Variants in NOTCH2 observed in about 807,000 individuals in gnomAD.
The protein encoded by NOTCH2 is notch receptor 2.
Under a neutral mutation model 235.8 loss-of-function variants are expected in NOTCH2, and 29 were observed. The observed-to-expected ratio is 0.12, with a 90% CI of 0.09 to 0.17. The LOEUF (loss-of-function observed/expected upper bound fraction) is 0.17, where lower values mean the gene tolerates loss of function less well. Ranked by LOEUF, NOTCH2 falls within the 10% of genes least tolerant of loss-of-function variation. NOTCH2 has a pLI of 1.00. For missense variants in NOTCH2, 2,285 were observed against 3,150.2 expected, an observed-to-expected ratio of 0.73 and a Z score of 6.57; for synonymous variants, 1,086 against 1,141.5, an observed-to-expected ratio of 0.95 and a Z score of 0.98.
At chr1:119,966,309 C>T (rs1553199644) in intron 9 of NOTCH2, 67 bp downstream of exon 9, 1 of 1,026,196 alleles carries the variant, frequency 9.7e-7, no homozygotes, top group Non-Finnish European at 1.6e-6. Context: ...TCTCTCCCTG[C>T]TCTCTTCCCT....
At chr1:120,039,575 AT>A (rs1270712046) in intron 1 of NOTCH2, among the ~76,000 whole-genome samples, 2 of 150,356 alleles carry the variant, frequency 1.3e-5, no homozygotes, top group African/African-American at 2.4e-5. Context: ...CATCCGGCTA[AT>A]TTTTTTTGTA....
chr1:120,069,605 C>T lies in NOTCH2; in HGVS notation c.-199G>A. ...CGAGTCCGCCGCTCCTCGGCCGCCGCCTCAGCCGCCGCCCGAAGTTTGGCT... is the reference window on the plus strand; with the variant it reads ...CGAGTCCGCCGCTCCTCGGCCGCCGTCTCAGCCGCCGCCCGAAGTTTGGCT... On this transcript the variant is annotated 5_prime_UTR_variant, in exon 1 of 34. Coordinates refer to ENST00000256646, the MANE Select transcript of NOTCH2 (RefSeq NM_024408.4). 1 of 1,411,892 alleles carries T rather than the reference C, an allele frequency of 7.1e-7. No homozygotes were observed. The allele number at this position is 1,411,892 out of a possible 1,614,324, so 87.5% of individuals were successfully genotyped here.
intron 5 of NOTCH2, among the ~76,000 whole-genome samples, chr1:119,975,644 C>CAA (rs11316344): frequency 1.3e-4 from 13 of 99,724 alleles, no homozygotes; most frequent in African/African-American, 4.5e-4. Flanking sequence ...GACTCCATCT[C>CAA]AAAAAAAAAA....
At position 119,954,753 on chromosome 1, in the gene NOTCH2, C is replaced by T. The variant is rs1650615498; in HGVS notation, c.2219+287G>A. Among the ~76,000 whole-genome samples the T allele has an allele frequency of 2.6e-5, 4 of 152,224 alleles. No homozygotes were observed. The South Asian group carries it at 8.3e-4, about 32-fold the overall frequency. ...TAATACATACTAAAAACATAACTGCCAAAGATTCATACAATGAGTATGGGT... is the reference window on the plus strand; with the variant it reads ...TAATACATACTAAAAACATAACTGCTAAAGATTCATACAATGAGTATGGGT... On this transcript the variant is annotated intron_variant, in intron 13 of 33. Coordinates refer to ENST00000256646, the MANE Select transcript of NOTCH2 (RefSeq NM_024408.4).
chr1:119,920,997 C>T (rs913434508), intron 29 of NOTCH2, among the ~76,000 whole-genome samples: 16 of 152,226 alleles, frequency 1.1e-4, no homozygotes, highest in African/African-American at 3.9e-4. Context: ...TATGCCAACA[C>T]AACAACTCAC....
chr1:119,969,765 T>C lies in NOTCH2; in HGVS notation c.875-21A>G, dbSNP rs782054836. 8 of 1,604,004 alleles carry C rather than the reference T, an allele frequency of 5.0e-6. No homozygotes were observed. In the African/African-American group the frequency reaches 6.7e-5, roughly 13 times the overall value. On this transcript the variant is annotated intron_variant, in intron 5 of 33. Transcript: ENST00000256646. ...CTGTCCTTTTAGGGGGAAATTACTT[T>C]TGATTAGGGCTCTTGAGTCTCAAAG...
chr1:119,932,800 T>TACATAAAGAAATTCTGAAGG lies in NOTCH2; in HGVS notation c.3655+2652_3655+2671dup, dbSNP rs1649716355. On this transcript the variant is annotated intron_variant, in intron 22 of 33. Transcript: ENST00000256646. The stretch of plus-strand genomic sequence containing the variant: ...AATATCTTTGCATTTGGCTTCTCTC[T>TACATAAAGAAATTCTGAAGG]ACATAAAGAAATTCTGAAGGATACA... Among the ~76,000 whole-genome samples the TACATAAAGAAATTCTGAAGG allele has an allele frequency of 3.3e-5, 5 of 152,272 alleles. No homozygotes were observed. The South Asian group carries it at 1.0e-3, about 32-fold the overall frequency.
intron 10 of NOTCH2, 34 bp downstream of exon 10, chr1:119,965,419 C>T (rs782027125): frequency 1.3e-6 from 2 of 1,516,384 alleles, no homozygotes; most frequent in East Asian, 2.3e-5. Context: ...TCAGATGGAC[C>T]TACCAAGGAG....
chr1:119,920,920 T>G (rs587729314), intron 29 of NOTCH2, among the ~76,000 whole-genome samples: 1 of 152,138 alleles, frequency 6.6e-6, no homozygotes, highest in African/African-American at 2.4e-5. Flanking sequence ...ATAATAATCA[T>G]GATAATTTAA....
chr1:119,972,052 G>C (rs957523849), intron 5 of NOTCH2, among the ~76,000 whole-genome samples: 9 of 151,612 alleles, frequency 5.9e-5, no homozygotes, highest in African/African-American at 2.2e-4. Flanking sequence ...GGGAGTGATT[G>C]CAAGGAGTGA....
chr1:119,963,176 T>TAGGAAGGAAGGAAGGAAGGA (rs1221282887), intron 11 of NOTCH2, among the ~76,000 whole-genome samples: 1 of 66,326 alleles, frequency 1.5e-5, no homozygotes, highest in Non-Finnish European at 5.3e-5. Flanking sequence ...AGAAGGAAGG[T>TAGGAAGGAAGGAAGGAAGGA]AGGTAGGAAG....
chr1:120,067,228 T>C (rs1310865385), intron 1 of NOTCH2, among the ~76,000 whole-genome samples: 1 of 143,866 alleles, frequency 7.0e-6, no homozygotes, highest in Non-Finnish European at 1.5e-5. Context: ...GATTTAAGAT[T>C]TGTACCGAGA....
Position 119,916,001 on chromosome 1 carries a change from A to G in NOTCH2, c.6721T>C (p.Leu2241=). The G allele has an allele frequency of 6.2e-7, 1 of 1,613,870 alleles. No individual in the cohort carries two copies. The highest frequency in any genetic ancestry group is 8.5e-7 in the Non-Finnish European group (1 of 1,180,024). The change falls in exon 34 of 34, where the codon TTG becomes CTG. Residue 2241 remains leucine (L), a synonymous_variant. Coordinates refer to ENST00000256646, the MANE Select transcript of NOTCH2 (RefSeq NM_024408.4). ...VSPGSGSAGS[L]SRLHPVPVPA... ...ACTGGGACTGGATGGAGCCTACTCAAGCTTCCAGCACTGCCACTGCCTGGA... is the reference window on the plus strand; with the variant it reads ...ACTGGGACTGGATGGAGCCTACTCAGGCTTCCAGCACTGCCACTGCCTGGA...
At chr1:119,999,899 GAGAA>G (rs1415711229) in intron 3 of NOTCH2, among the ~76,000 whole-genome samples, 4 of 143,030 alleles carry the variant, frequency 2.8e-5, no homozygotes, top group Non-Finnish European at 6.0e-5. Flanking sequence ...GGGAAAGAGA[GAGAA>G]AGAGAGAAAG....
chr1:120,028,381 T>C (rs1653953854), intron 2 of NOTCH2, among the ~76,000 whole-genome samples: 1 of 150,404 alleles, frequency 6.6e-6, no homozygotes, highest in Non-Finnish European at 1.5e-5. Context: ...CTCTAAGGTA[T>C]TAAGTTCCCT....
At chr1:119,917,050 A>G (rs189388473) in intron 33 of NOTCH2, among the ~76,000 whole-genome samples, 346 of 152,306 alleles carry the variant, frequency 2.3e-3, no homozygotes, top group Middle Eastern at 0.01. Flanking sequence ...AGTTAGAAAT[A>G]AGAAAGGTAG....
intron 17 of NOTCH2, among the ~76,000 whole-genome samples, chr1:119,945,584 GT>G (rs1212190676): frequency 6.6e-6 from 1 of 152,064 alleles, no homozygotes; most frequent in Non-Finnish European, 1.5e-5. Context: ...ATCAGGCAAA[GT>G]AGACTTCAGA....
chr1:119,969,491 T>C lies in NOTCH2; in HGVS notation c.1108+20A>G. On this transcript the variant is annotated intron_variant, in intron 6 of 33. Transcript: ENST00000256646. ...CCCCTGCCCCTTCCCTGTTTCTAGATCCGTCCTTCTGCTACCTACCTGCCT... is the reference window on the plus strand; with the variant it reads ...CCCCTGCCCCTTCCCTGTTTCTAGACCCGTCCTTCTGCTACCTACCTGCCT... 6.2e-7 allele frequency: 1 copy of C among 1,609,066 alleles called. No homozygotes were observed. The highest frequency in any genetic ancestry group is 8.5e-7 in the Non-Finnish European group (1 of 1,176,582).
In NOTCH2 at chr1:119,917,675, T is replaced by C; in HGVS notation, c.6017A>G (p.Gln2006Arg). Residue 2006 changes from glutamine to arginine, a missense_variant, in exon 33 of 34, where the codon CAG becomes CGG. Gln to Arg is a conservative substitution (Grantham distance 43). This residue lies in a region of NOTCH2 where 128 missense variants were observed against 255.9 expected (regional missense o/e 0.50). Transcript: ENST00000256646. ...LLKNGANRDMQDNKEETPLFL... is the reference protein window; with the variant it reads ...LLKNGANRDMRDNKEETPLFL... ...GCCCACAAACTGTACCTTGTTGTCCTGCATGTCTCGGTTGGCCCCATTTTT... is the reference window on the plus strand; with the variant it reads ...GCCCACAAACTGTACCTTGTTGTCCCGCATGTCTCGGTTGGCCCCATTTTT... 1.9e-6 allele frequency: 3 copies of C among 1,610,808 alleles called. No homozygotes were observed. The highest frequency in any genetic ancestry group is 1.3e-5 in the African/African-American group (1 of 74,956).
Sources: gnomAD v4.1 joint callset for allele counts (sites outside exome capture counted in the v4.1 genomes callset) on GRCh38, gnomAD v4.1.1 for gene constraint, gnomAD v4.1.1 regional missense constraint, MANE v1.5 for transcripts, NCBI Gene and HGNC (gene_info 2026-07-23, HGNC 2026-07-21) for gene names.